Variants in POLI observed in about 807,000 individuals in gnomAD.
POLI encodes the protein RAD30 homolog B.
In POLI, 58 loss-of-function variants were observed where a neutral mutation model predicts 51.6. The observed-to-expected ratio is 1.12, with a 90% CI of 0.91 to 1.40. The LOEUF is 1.40. Ranked by LOEUF, POLI falls within the 40% of genes most tolerant of loss-of-function variation. The pLI is 0.00. For synonymous variants in POLI, 322 were observed against 299.7 expected (o/e 1.07, Z -0.77); for missense variants, 921 against 871.3 (o/e 1.06, Z -0.72).
downstream of POLI, among the ~76,000 whole-genome samples, chr18:54,300,316 A>G (rs1175170819): frequency 2.0e-5 from 3 of 152,170 alleles, no homozygotes; most frequent in South Asian, 4.1e-4. Context: ...GGGGAAGTAT[A>G]TAATTTTAAG....
At chr18:54,278,645 A>G (rs2087359153) in intron 4 of POLI, among the ~76,000 whole-genome samples, 1 of 152,254 alleles carries the variant, frequency 6.6e-6, no homozygotes, top group Non-Finnish European at 1.5e-5. Flanking sequence ...GCAAGAAAGC[A>G]GAATGGTTTG....
At position 54,269,646 on chromosome 18, in the gene POLI, G is replaced by T; in HGVS notation, c.100G>T (p.Ala34Ser). The part of the protein sequence containing the change: ...WAMELADVGA[A>S]ASSQGVHDQV... ...CATGGAACTGGCGGACGTGGGGGCG[G>T]CAGCCAGCTCGCAGGGTGCGCCGCA... Residue 34 changes from alanine (A) to serine (S), a missense_variant, in exon 1 of 10, where the codon GCA becomes TCA. By Grantham distance (99) the Ala-to-Ser change is moderately conservative. Transcript: ENST00000579534. 1.3e-6 allele frequency: 2 copies of T among 1,507,850 alleles called. 1 individual carries two copies. The highest frequency in any genetic ancestry group is 2.5e-5 in the South Asian group (2 of 81,480). The allele number at this position is 1,507,850 out of a possible 1,614,324, so 93.4% of individuals were successfully genotyped here. A position where few individuals can be genotyped will look rare whatever the true frequency, so the allele number is the denominator to read the frequency against.
intron 3 of POLI, among the ~76,000 whole-genome samples, chr18:54,307,619 G>A (rs1402381254): frequency 6.6e-6 from 1 of 152,204 alleles, no homozygotes; most frequent in Non-Finnish European, 1.5e-5. Flanking sequence ...GCAGAGTTGA[G>A]TTCAAGTCCT....
chr18:54,295,434 A>G lies in POLI; in HGVS notation c.*967A>G, dbSNP rs980896233. On this transcript the variant is annotated 3_prime_UTR_variant, in exon 10 of 10. Coordinates refer to ENST00000579534, the MANE Select transcript of POLI (RefSeq NM_007195.3). ...GGATATAAGATTGAGAATGTATTAT[A>G]TAATTTGCAAGACATAGAGGATGTT... 7.2e-6 allele frequency: 7 copies of G among 974,140 alleles called. No individual in the cohort carries two copies. Among genetic ancestry groups the G allele is most frequent in the Admixed American group, 6.2e-5 (1 of 16,242 alleles). The allele number at this position is 974,140 out of a possible 1,614,324, so 60.3% of individuals were successfully genotyped here. A position where few individuals can be genotyped will look rare whatever the true frequency, so the allele number is the denominator to read the frequency against.
chr18:54,309,354 G>A (rs751651359), intron 3 of POLI, among the ~76,000 whole-genome samples: 2 of 152,162 alleles, frequency 1.3e-5, no homozygotes, highest in South Asian at 2.1e-4. Flanking sequence ...TCAGCTGCAC[G>A]TCTGTTGGAG....
In POLI at chr18:54,298,113, T is replaced by A. The variant is rs2088421168; in HGVS notation, c.*3646T>A. Reference sequence around the variant, plus strand: ...ATCAAATCTGGATTGTTTTCAATATTAAAAAAACTTCTATTTTAAAATCTG... The same window carrying A: ...ATCAAATCTGGATTGTTTTCAATATAAAAAAAACTTCTATTTTAAAATCTG... On this transcript the variant is annotated 3_prime_UTR_variant, in exon 10 of 10. Transcript: ENST00000579534. 1.9e-5 allele frequency: 18 copies of A among 931,102 alleles called. No individual in the cohort carries two copies. The highest frequency in any genetic ancestry group is 2.2e-5 in the Non-Finnish European group (17 of 780,588). The allele number at this position is 931,102 out of a possible 1,614,324, so 57.7% of individuals were successfully genotyped here. A position where few individuals can be genotyped will look rare whatever the true frequency, so the allele number is the denominator to read the frequency against.
chr18:54,300,088 T>C (rs1035648262), downstream of POLI, among the ~76,000 whole-genome samples: 7 of 151,178 alleles, frequency 4.6e-5, no homozygotes, highest in Admixed American at 3.3e-4. Context: ...TTAGAGGAAG[T>C]CCAACAGGCA....
At chr18:54,306,647 T>A (rs1027847013) in intron 3 of POLI, among the ~76,000 whole-genome samples, 11 of 152,226 alleles carry the variant, frequency 7.2e-5, no homozygotes, top group African/African-American at 2.7e-4. Context: ...TCTGAAGGAA[T>A]GGTACCAGCT....
downstream of POLI, among the ~76,000 whole-genome samples, chr18:54,300,877 G>A (rs1395878749): frequency 2.0e-5 from 3 of 152,136 alleles, no homozygotes; most frequent in Non-Finnish European, 2.9e-5. Flanking sequence ...AATGATAAAC[G>A]AGTCAGTTCA....
At chr18:54,319,646 G>A (rs1326464819) in intron 3 of POLI, among the ~76,000 whole-genome samples, 2 of 150,932 alleles carry the variant, frequency 1.3e-5, no homozygotes, top group Non-Finnish European at 1.5e-5. Flanking sequence ...CGTTTTGTGG[G>A]ATTGTTATTA....
rs994775347 is a variant in POLI at position 54,294,884 on chromosome 18, C to T, written c.*417C>T. 2.0e-6 allele frequency: 2 copies of T among 982,142 alleles called. No individual in the cohort carries two copies. Among genetic ancestry groups the T allele is most frequent in the African/African-American group, 1.8e-5 (1 of 56,718 alleles). 60.8% of individuals were successfully genotyped at this position (982,142 alleles called of 1,614,324 possible). ...CAGCCTCTTAGGCTGAATAGCAAAT[C>T]CTACTGCCAACTAACCTATTAAAAA... On this transcript the variant is annotated 3_prime_UTR_variant, in exon 10 of 10. Transcript: ENST00000579534.
intron 3 of POLI, among the ~76,000 whole-genome samples, chr18:54,309,246 C>G (rs1003609042): frequency 3.9e-5 from 6 of 152,150 alleles, no homozygotes; most frequent in Non-Finnish European, 8.8e-5. Context: ...CTTTGATAAT[C>G]GTGACCTACA....
intron 3 of POLI, among the ~76,000 whole-genome samples, chr18:54,316,810 T>C (rs1039812084): frequency 5.3e-5 from 8 of 152,324 alleles, no homozygotes; most frequent in Non-Finnish European, 1.0e-4. Flanking sequence ...TTATGAACTT[T>C]TGGCTTAGAA....
chr18:54,318,788 C>A (rs1286113911), intron 3 of POLI, among the ~76,000 whole-genome samples: 3 of 152,072 alleles, frequency 2.0e-5, no homozygotes, highest in African/African-American at 7.2e-5. Flanking sequence ...AGGTGAGGCA[C>A]CAGAGTCAAG....
chr18:54,297,364 AGT>A lies in POLI; in HGVS notation c.*2900_*2901del. 1.0e-6 allele frequency: 1 copy of A among 978,036 alleles called. No homozygotes were observed. Among genetic ancestry groups the A allele is most frequent in the Non-Finnish European group, 1.2e-6 (1 of 827,236 alleles). The allele number at this position is 978,036 out of a possible 1,614,324, so 60.6% of individuals were successfully genotyped here. A position where few individuals can be genotyped will look rare whatever the true frequency, so the allele number is the denominator to read the frequency against. On this transcript the variant is annotated 3_prime_UTR_variant, in exon 10 of 10. Transcript: ENST00000579534. ...TTTTATTTTTTCTGTTTCTCTCTTGAGTGTATAGTGTAGAGGGGGTTTCTGTC... is the reference window on the plus strand; with the variant it reads ...TTTTATTTTTTCTGTTTCTCTCTTGAGTATAGTGTAGAGGGGGTTTCTGTC...
At chr18:54,312,534 C>A (rs1210620140) in intron 3 of POLI, among the ~76,000 whole-genome samples, 2 of 152,188 alleles carry the variant, frequency 1.3e-5, no homozygotes, top group Admixed American at 1.3e-4. Flanking sequence ...AATCTCCAAA[C>A]TGCTTTCCAC....
chr18:54,311,413 T>C (rs11661444), intron 3 of POLI, among the ~76,000 whole-genome samples: 26,756 of 152,160 alleles, frequency 0.18, 2,515 homozygotes, highest in Middle Eastern at 0.25. Flanking sequence ...GAAATTACTA[T>C]TGAATTTTAA....
intron 3 of POLI, among the ~76,000 whole-genome samples, chr18:54,307,815 A>G (rs1167325202): frequency 6.6e-6 from 1 of 151,936 alleles, no homozygotes; most frequent in African/African-American, 2.4e-5. Flanking sequence ...TTCTTGTTGA[A>G]TTGATCCCTT....
intron 9 of POLI, 142 bp downstream of exon 9, chr18:54,292,180 A>G (rs1461205836): frequency 8.9e-6 from 5 of 562,336 alleles, no homozygotes; most frequent in Non-Finnish European, 1.6e-5. Context: ...TAACTTGTTT[A>G]TAATACCTAT....
Sources: gnomAD v4.1 joint callset for allele counts (sites outside exome capture counted in the v4.1 genomes callset) on GRCh38, gnomAD v4.1.1 for gene constraint, MANE v1.5 for transcripts, NCBI Gene and HGNC (gene_info 2026-07-23, HGNC 2026-07-21) for gene names.